Variants in RNF220 observed in about 807,000 individuals in gnomAD.
RNF220 encodes the protein E3 ubiquitin-protein ligase RNF220.
In RNF220, 7 loss-of-function variants were observed where a neutral mutation model predicts 67.1. The ratio of observed to expected loss-of-function variants is 0.10; its 90% confidence interval spans 0.06 to 0.20. The LOEUF is 0.20. Among genes scored for constraint, RNF220 ranks in the 10% least tolerant of loss-of-function variants. The probability of loss-of-function intolerance (pLI) is 1.00; values close to 1 mark genes in which losing one functional copy is unlikely to be tolerated. For missense variants in RNF220, 565 were observed against 740.3 expected (o/e 0.76, Z 2.75); for synonymous variants, 270 against 283.2 (o/e 0.95, Z 0.47).
intron 2 of RNF220, among the ~76,000 whole-genome samples, chr1:44,561,746 G>A (rs567929270): frequency 1.4e-4 from 21 of 151,892 alleles, no homozygotes; most frequent in African/African-American, 4.6e-4. Flanking sequence ...GTGAGACCCC[G>A]TCTCTACTAA....
chr1:44,615,958 G>A (rs1557441132), intron 3 of RNF220, among the ~76,000 whole-genome samples: 1 of 152,220 alleles, frequency 6.6e-6, no homozygotes, highest in South Asian at 2.1e-4. Context: ...TGTCAACCAA[G>A]GCAACGGTCA....
chr1:44,644,470 G>A (rs1644577651), intron 8 of RNF220: 3 of 522,868 alleles, frequency 5.7e-6, no homozygotes, highest in Middle Eastern at 5.2e-4. Context: ...TATGAGCAGA[G>A]ACCACTTGGA....
intron 2 of RNF220, among the ~76,000 whole-genome samples, chr1:44,489,583 G>A (rs2148048428): frequency 6.6e-6 from 1 of 152,352 alleles, no homozygotes; most frequent in Admixed American, 6.5e-5. Flanking sequence ...ACCACATGAG[G>A]ATGACTTAGA....
At chr1:44,467,372 C>T (rs1394083668) in intron 2 of RNF220, among the ~76,000 whole-genome samples, 1 of 152,208 alleles carries the variant, frequency 6.6e-6, no homozygotes, top group Admixed American at 6.5e-5. Flanking sequence ...CCACCACGCC[C>T]AGCTAATTTT....
chr1:44,625,398 G>A (rs920183904), intron 4 of RNF220, among the ~76,000 whole-genome samples: 11 of 152,224 alleles, frequency 7.2e-5, no homozygotes, highest in African/African-American at 2.2e-4. Context: ...GCCACCGCAT[G>A]CGGGTCACAT....
At chr1:44,513,609 G>A (rs184210670) in intron 2 of RNF220, among the ~76,000 whole-genome samples, 26 of 152,334 alleles carry the variant, frequency 1.7e-4, no homozygotes, top group Admixed American at 1.4e-3. Flanking sequence ...GAACCTAATG[G>A]CAGTAATTGG....
intron 2 of RNF220, among the ~76,000 whole-genome samples, chr1:44,526,925 C>G (rs1321129452): frequency 6.6e-6 from 1 of 152,134 alleles, no homozygotes; most frequent in Non-Finnish European, 1.5e-5. Context: ...TCTGACTCAT[C>G]TCTTTGGATC....
At chr1:44,625,051 G>GAA (rs1298750306) in intron 4 of RNF220, among the ~76,000 whole-genome samples, 2 of 151,502 alleles carry the variant, frequency 1.3e-5, no homozygotes, top group Admixed American at 1.3e-4. Flanking sequence ...GAGAGAGAGA[G>GAA]AGAGAGAAAG....
At chr1:44,484,743 C>T (rs1022350534) in intron 2 of RNF220, among the ~76,000 whole-genome samples, 9 of 152,136 alleles carry the variant, frequency 5.9e-5, no homozygotes, top group African/African-American at 1.7e-4. Flanking sequence ...ATGGTAAGCA[C>T]GAATGCCCTA....
chr1:44,579,767 G>T (rs1665096649), intron 2 of RNF220, among the ~76,000 whole-genome samples: 2 of 152,142 alleles, frequency 1.3e-5, no homozygotes, highest in Non-Finnish European at 2.9e-5. Flanking sequence ...TCCAGGCCAG[G>T]CATGGTGGCT....
intron 2 of RNF220, among the ~76,000 whole-genome samples, chr1:44,491,060 A>G (rs952309600): frequency 6.6e-6 from 1 of 152,200 alleles, no homozygotes; most frequent in East Asian, 1.9e-4. Context: ...GCATAGACCT[A>G]TAACAATTAA....
At chr1:44,631,993 C>G in intron 5 of RNF220, 1 of 1,011,010 alleles carries the variant, frequency 9.9e-7, no homozygotes, top group African/African-American at 1.7e-5. Flanking sequence ...GCCGCCGCCG[C>G]TTGGAGCTGA....
intron 2 of RNF220, among the ~76,000 whole-genome samples, chr1:44,529,591 G>T (rs1660673224): frequency 6.6e-6 from 1 of 152,114 alleles, no homozygotes. Flanking sequence ...GTCCAGGCTG[G>T]TCTCGAACTC....
At chr1:44,415,081 T>TTTGA (rs1316754728) in intron 2 of RNF220, among the ~76,000 whole-genome samples, 1 of 148,286 alleles carries the variant, frequency 6.7e-6, no homozygotes, top group Non-Finnish European at 1.5e-5. Context: ...CGTTTGTGCT[T>TTTGA]TTGATTGCGA....
In RNF220 at chr1:44,596,057, C is replaced by A. The variant is rs571915380; in HGVS notation, c.626-18108C>A. 1.2e-4 allele frequency among the ~76,000 whole-genome samples: 19 copies of A among 152,340 alleles called. 1 individual carries two copies. The South Asian group carries it at 3.9e-3, about 32-fold the overall frequency. On this transcript the variant is annotated intron_variant, in intron 2 of 14. Coordinates refer to ENST00000361799, the MANE Select transcript of RNF220 (RefSeq NM_018150.4). Reference sequence around the variant, plus strand: ...GGGATTACGGGCGTGCGCCGCCATGCCTGGCCGATGAGCAAAGATTTTTGA... The same window carrying A: ...GGGATTACGGGCGTGCGCCGCCATGACTGGCCGATGAGCAAAGATTTTTGA...
chr1:44,483,240 T>G (rs1314200940), intron 2 of RNF220, among the ~76,000 whole-genome samples: 3 of 152,018 alleles, frequency 2.0e-5, no homozygotes, highest in Non-Finnish European at 4.4e-5. Flanking sequence ...CCAAGCATAG[T>G]ATTAATACAC....
intron 2 of RNF220, among the ~76,000 whole-genome samples, chr1:44,477,020 G>A (rs919174779): frequency 6.6e-6 from 1 of 152,156 alleles, no homozygotes; most frequent in Non-Finnish European, 1.5e-5. Context: ...AATTCCTTGG[G>A]AAGCACAGCT....
At chr1:44,530,531 CA>C (rs34069585) in intron 2 of RNF220, among the ~76,000 whole-genome samples, 74,832 of 135,860 alleles carry the variant, frequency 0.55, 19,854 homozygotes, top group East Asian at 0.77. Flanking sequence ...GTCAAATCTG[CA>C]AAAAAAAAAA....
chr1:44,450,348 T>C (rs1652546030), intron 2 of RNF220, among the ~76,000 whole-genome samples: 2 of 151,906 alleles, frequency 1.3e-5, no homozygotes, highest in Admixed American at 6.6e-5. Flanking sequence ...AGGTAAAACA[T>C]AAATTCATGC....
Sources: gnomAD v4.1 joint callset for allele counts (sites outside exome capture counted in the v4.1 genomes callset) on GRCh38, gnomAD v4.1.1 for gene constraint, MANE v1.5 for transcripts, NCBI Gene and HGNC (gene_info 2026-07-23, HGNC 2026-07-21) for gene names.